The following BACH2 variants were observed in gnomAD, a reference collection of about 807,000 sequenced individuals.
BACH2 encodes BACH transcriptional regulator 2, also known as transcription regulator protein BACH2.
In BACH2, 5 loss-of-function variants were observed where a neutral mutation model predicts 61.8. The ratio of observed to expected loss-of-function variants is 0.08; its 90% CI spans 0.04 to 0.17. The LOEUF (loss-of-function observed/expected upper bound fraction) is 0.17, where lower values mean the gene tolerates loss of function less well. Among genes scored for constraint, BACH2 ranks in the 10% least tolerant of loss-of-function variants. The pLI, the probability that BACH2 is intolerant of heterozygous loss-of-function variation, is 1.00. For missense variants in BACH2, 824 were observed against 1,091.1 expected, an observed-to-expected ratio of 0.76 and a Z score of 3.45; for synonymous variants, 446 against 440.1, an observed-to-expected ratio of 1.01 and a Z score of -0.17.
intron 3 of BACH2, among the ~76,000 whole-genome samples, chr6:90,227,799 T>G (rs1769964517): frequency 6.6e-6 from 1 of 151,420 alleles, no homozygotes; most frequent in African/African-American, 2.4e-5. Context: ...TCCTGATATA[T>G]CCCTTTAAAA....
At chr6:89,964,494 T>C (rs1017903578) in intron 6 of BACH2, among the ~76,000 whole-genome samples, 2 of 152,248 alleles carry the variant, frequency 1.3e-5, no homozygotes, top group Non-Finnish European at 2.9e-5. Flanking sequence ...TTTTGGACCG[T>C]ACAAAATCTT....
chr6:89,948,340 G>A (rs990247911), intron 7 of BACH2, among the ~76,000 whole-genome samples: 1 of 152,020 alleles, frequency 6.6e-6, no homozygotes, highest in African/African-American at 2.4e-5. Flanking sequence ...ACAGGTAGCT[G>A]GGACTACTGG....
Position 90,165,736 on chromosome 6 carries a change from C to T in BACH2, c.-162+40833G>A, listed in dbSNP as rs569692870. 3.1e-3 allele frequency among the ~76,000 whole-genome samples: 477 copies of T among 152,110 alleles called. 4 individuals carry two copies. The highest frequency in any genetic ancestry group is 0.011 in the African/African-American group (451 of 41,488). ...TATAGACCAATGGAACAGAACAGAG[C>T]CCTCAGAAATAATGCCGCGTATCTA... On this transcript the variant is annotated intron_variant, in intron 4 of 8. Transcript: ENST00000257749.
chr6:90,156,119 T>C (rs1582428603), intron 4 of BACH2, among the ~76,000 whole-genome samples: 1 of 152,250 alleles, frequency 6.6e-6, no homozygotes, highest in East Asian at 1.9e-4. Flanking sequence ...CCAATGTGCA[T>C]GGGGCCCAAC....
At chr6:90,119,012 T>A (rs149944319) in intron 4 of BACH2, among the ~76,000 whole-genome samples, 57 of 152,356 alleles carry the variant, frequency 3.7e-4, no homozygotes, top group African/African-American at 1.3e-3. Context: ...TTGAGCCCAG[T>A]CTCAACTATC....
At chr6:90,217,829 G>A (rs1490235319) in intron 3 of BACH2, 1 of 152,100 alleles carries the variant, frequency 6.6e-6, no homozygotes, top group African/African-American at 2.4e-5. Context: ...TTGCCATGAT[G>A]TGAGAGTTGG....
chr6:90,216,502 A>C (rs1769542274), intron 3 of BACH2, among the ~76,000 whole-genome samples: 2 of 152,008 alleles, frequency 1.3e-5, no homozygotes, highest in South Asian at 2.1e-4. Context: ...GCACTGGGAA[A>C]CTCACTGTAA....
At position 90,269,895 on chromosome 6, in the gene BACH2, T is replaced by C. The variant is rs148655632; in HGVS notation, c.-353+1954A>G. Among the ~76,000 whole-genome samples the C allele has an allele frequency of 3.7e-4, 57 of 152,338 alleles. 1 individual carries two copies. Among genetic ancestry groups the C allele is most frequent in the African/African-American group, 1.3e-3 (55 of 41,582 alleles). The stretch of plus-strand genomic sequence containing the variant: ...ATTTCAATAGTTTTGGGGGAACATA[T>C]GGTTTCTGGTTACATGGATAAGTTC... On this transcript the variant is annotated intron_variant, in intron 2 of 8. Transcript: ENST00000257749.
chr6:90,016,584 C>CA (rs1413101594), intron 5 of BACH2, among the ~76,000 whole-genome samples: 2 of 152,088 alleles, frequency 1.3e-5, no homozygotes, highest in Admixed American at 1.3e-4. Flanking sequence ...CCTTCCTGGC[C>CA]ATTGTATTAT....
intron 6 of BACH2, among the ~76,000 whole-genome samples, chr6:89,986,781 C>A (rs1372213109): frequency 6.6e-6 from 1 of 152,174 alleles, no homozygotes; most frequent in African/African-American, 2.4e-5. Context: ...ATTCAAGCTT[C>A]ATTAGGAACA....
At chr6:90,235,231 T>A (rs967959230) in intron 3 of BACH2, among the ~76,000 whole-genome samples, 3 of 152,172 alleles carry the variant, frequency 2.0e-5, no homozygotes, top group African/African-American at 7.2e-5. Context: ...AAGATTAGTG[T>A]GTGGTTAAAA....
At chr6:90,023,901 G>A (rs1562377341) in intron 5 of BACH2, among the ~76,000 whole-genome samples, 1 of 152,114 alleles carries the variant, frequency 6.6e-6, no homozygotes, top group Non-Finnish European at 1.5e-5. Context: ...TGTTGTTTGA[G>A]CCACCCAGCC....
chr6:90,057,408 CCAAGA>C (rs1780422472), intron 5 of BACH2, among the ~76,000 whole-genome samples: 1 of 152,144 alleles, frequency 6.6e-6, no homozygotes, highest in African/African-American at 2.4e-5. Flanking sequence ...ATACATCCTC[CCAAGA>C]CTAAACCAGG....
rs1249420167 is a variant in BACH2, at chr6:90,186,029, T to G, written c.-162+20540A>C. Among the ~76,000 whole-genome samples the G allele has an allele frequency of 3.3e-5, 5 of 152,302 alleles. No individual in the cohort carries two copies. In the South Asian group the frequency reaches 8.3e-4, roughly 25 times the overall value. ...ATAGGCTACTTTTAAAAAATTTTTTTGCAGCATATACACTCATAGAAGAGA... is the reference window on the plus strand; with the variant it reads ...ATAGGCTACTTTTAAAAAATTTTTTGGCAGCATATACACTCATAGAAGAGA... On this transcript the variant is annotated intron_variant, in intron 4 of 8. Transcript: ENST00000257749.
At chr6:90,175,582 T>TG (rs966992142) in intron 4 of BACH2, among the ~76,000 whole-genome samples, 17 of 150,846 alleles carry the variant, frequency 1.1e-4, no homozygotes, top group African/African-American at 3.9e-4. Flanking sequence ...GTTGGGGCGG[T>TG]GGGGGGTGAG....
At chr6:90,033,054 G>T (rs1779082772) in intron 5 of BACH2, among the ~76,000 whole-genome samples, 1 of 152,050 alleles carries the variant, frequency 6.6e-6, no homozygotes, top group Non-Finnish European at 1.5e-5. Flanking sequence ...CATGTCCTTT[G>T]TAGGGACATG....
At chr6:89,962,751 A>C (rs1774820718) in intron 6 of BACH2, among the ~76,000 whole-genome samples, 1 of 152,246 alleles carries the variant, frequency 6.6e-6, no homozygotes, top group South Asian at 2.1e-4. Flanking sequence ...TCTTGAACCC[A>C]AAATTATAAA....
intron 4 of BACH2, among the ~76,000 whole-genome samples, chr6:90,192,604 C>T (rs1768613537): frequency 6.6e-6 from 1 of 152,070 alleles, no homozygotes; most frequent in African/African-American, 2.4e-5. Flanking sequence ...CATTTTTCAG[C>T]AATAGTAGAA....
chr6:90,040,140 T>C (rs1438605091), intron 5 of BACH2, among the ~76,000 whole-genome samples: 1 of 152,130 alleles, frequency 6.6e-6, no homozygotes, highest in African/African-American at 2.4e-5. Flanking sequence ...ATTTTTGTCA[T>C]ACTTTGAAAG....
Sources: allele counts gnomAD v4.1 joint callset (sites outside exome capture counted in the v4.1 genomes callset), GRCh38; gene constraint gnomAD v4.1.1; transcripts MANE v1.5; gene names NCBI Gene and HGNC (gene_info 2026-07-23, HGNC 2026-07-21).